ABCB1: variants seen among roughly 807,000 people sequenced by gnomAD.
ABCB1 encodes ATP binding cassette subfamily B member 1.
ABCB1 carries 69 observed loss-of-function variants against 142.0 expected under a neutral mutation model. The ratio of observed to expected loss-of-function variants is 0.49; its 90% CI spans 0.40 to 0.59. ABCB1 has a LOEUF of 0.59. ABCB1 is among the 20% of genes least tolerant of loss of function. The pLI, the probability that ABCB1 is intolerant of heterozygous loss-of-function variation, is 0.00. For synonymous variants in ABCB1, 532 were observed against 539.2 expected (o/e 0.99, Z 0.18); for missense variants, 1,326 against 1,554.7 (o/e 0.85, Z 2.47).
chr7:87,548,406 G>A (rs558742650), intron 14 of ABCB1, among the ~76,000 whole-genome samples: 1 of 152,084 alleles, frequency 6.6e-6, no homozygotes, highest in African/African-American at 2.4e-5. Flanking sequence ...AAAACACAGA[G>A]ATGAAATCAC....
Position 87,519,351 on chromosome 7 carries a change from GT to G in ABCB1, c.2901del (p.Lys967AsnfsTer3). 6.2e-7 allele frequency: 1 copy of G among 1,614,102 alleles called. No homozygotes were observed. Among genetic ancestry groups the G allele is most frequent in the South Asian group, 1.1e-5 (1 of 91,080 alleles). On this transcript the variant is annotated frameshift_variant, in exon 23 of 28. Coordinates refer to ENST00000622132, the MANE Select transcript of ABCB1 (RefSeq NM_001348946.2). LOFTEE classifies it high-confidence loss of function. ...FRFGAYLVAH[K>X]LMSFEDVLLV... ...AACAGAACATCCTCAAAGCTCATGA[GT>G]TTATGTGCCACCAAGTAGGCTCCAA...
At chr7:87,542,797 G>A (rs1425784259) in intron 17 of ABCB1, among the ~76,000 whole-genome samples, 2 of 152,056 alleles carry the variant, frequency 1.3e-5, no homozygotes, top group African/African-American at 2.4e-5. Flanking sequence ...GAACACAGTC[G>A]TGTTCATTCA....
chr7:87,629,027 C>G, intron 1 of ABCB1: 3 of 1,222,244 alleles, frequency 2.5e-6, no homozygotes, highest in South Asian at 4.0e-5. Context: ...TTGGGGGTCC[C>G]GGGCATGATG....
chr7:87,559,164 TGTG>T (rs1817441481), intron 8 of ABCB1, among the ~76,000 whole-genome samples: 1 of 152,114 alleles, frequency 6.6e-6, no homozygotes, highest in Admixed American at 6.6e-5. Context: ...TTCTTGAAGT[TGTG>T]GTAGAACTTG....
At chr7:87,626,747 T>C (rs1371643669) in intron 1 of ABCB1, among the ~76,000 whole-genome samples, 2 of 34,598 alleles carry the variant, frequency 5.8e-5, no homozygotes, top group Non-Finnish European at 6.6e-5. Context: ...GTGTCATATA[T>C]ATGTCATATA....
chr7:87,708,727 G>A (rs2130733504), intron 1 of ABCB1, among the ~76,000 whole-genome samples: 1 of 152,074 alleles, frequency 6.6e-6, no homozygotes, highest in East Asian at 1.9e-4. Flanking sequence ...ACATAATTAG[G>A]CTGGTCAGTT....
chr7:87,621,933 A>G (rs1171642596), intron 1 of ABCB1, among the ~76,000 whole-genome samples: 1 of 152,156 alleles, frequency 6.6e-6, no homozygotes, highest in African/African-American at 2.4e-5. Flanking sequence ...CATTTAATAA[A>G]TAGAATTGGG....
chr7:87,606,649 A>G (rs1386405594), intron 1 of ABCB1, among the ~76,000 whole-genome samples: 6 of 152,134 alleles, frequency 3.9e-5, no homozygotes, highest in African/African-American at 1.4e-4. Flanking sequence ...AAGGCAGGGG[A>G]AAATTATAAT....
chr7:87,665,809 G>A (rs1037521877), intron 1 of ABCB1, among the ~76,000 whole-genome samples: 6 of 151,950 alleles, frequency 3.9e-5, no homozygotes, highest in African/African-American at 1.2e-4. Flanking sequence ...TTCTGTTCCC[G>A]CATTATTTCA....
intron 1 of ABCB1, among the ~76,000 whole-genome samples, chr7:87,666,041 CTT>C (rs1466370274): frequency 6.6e-6 from 1 of 152,034 alleles, no homozygotes; most frequent in African/African-American, 2.4e-5. Flanking sequence ...TCTTTTAGCT[CTT>C]TGAGGAATTG....
intron 21 of ABCB1, among the ~76,000 whole-genome samples, chr7:87,528,804 G>A (rs534260415): frequency 5.3e-5 from 8 of 152,300 alleles, no homozygotes; most frequent in African/African-American, 1.9e-4. Flanking sequence ...CAGGTGTCAG[G>A]AATGGCCTCT....
At chr7:87,600,726 T>C (rs1819419866) in intron 1 of ABCB1, 29 bp downstream of exon 1, 1 of 155,052 alleles carries the variant, frequency 6.4e-6, no homozygotes, top group Admixed American at 6.3e-5. Context: ...AACTGTCCCA[T>C]AGTAGCTCCC....
chr7:87,672,869 A>G (rs111741511), intron 1 of ABCB1, among the ~76,000 whole-genome samples: 4,731 of 152,032 alleles, frequency 0.031, 73 homozygotes, highest in Middle Eastern at 0.048. Flanking sequence ...TTCATTCTCC[A>G]TGGGTCAAGT....
chr7:87,650,672 G>A, intron 1 of ABCB1: 1 of 604,112 alleles, frequency 1.7e-6, no homozygotes. Flanking sequence ...TCCATTTACA[G>A]AGTAAATTTG....
At chr7:87,573,825 C>A (rs1034110376) in intron 4 of ABCB1, among the ~76,000 whole-genome samples, 1 of 152,104 alleles carries the variant, frequency 6.6e-6, no homozygotes, top group Admixed American at 6.5e-5. Flanking sequence ...TCACTGTCTT[C>A]AGAGAGAGCT....
At chr7:87,506,589 G>GAAATGAAATGAAATGA (rs2117060408) in intron 26 of ABCB1, among the ~76,000 whole-genome samples, 1 of 152,220 alleles carries the variant, frequency 6.6e-6, no homozygotes, top group Non-Finnish European at 1.5e-5. Flanking sequence ...CTTTGAAAAT[G>GAAATGAAATGAAATGA]AACATCTCCT....
chr7:87,588,928 T>C (rs1050821518), intron 3 of ABCB1, among the ~76,000 whole-genome samples: 4 of 152,252 alleles, frequency 2.6e-5, no homozygotes, highest in Non-Finnish European at 5.9e-5. Flanking sequence ...TTTTATATAA[T>C]TGTTGGCCAC....
intron 13 of ABCB1, 131 bp downstream of exon 13, chr7:87,549,720 T>C: frequency 7.4e-7 from 1 of 1,352,248 alleles, no homozygotes. Flanking sequence ...CTTTCAAATC[T>C]GAAGTAATCT....
At chr7:87,703,428 G>A (rs1829266664) in intron 1 of ABCB1, among the ~76,000 whole-genome samples, 1 of 152,106 alleles carries the variant, frequency 6.6e-6, no homozygotes, top group Non-Finnish European at 1.5e-5. Flanking sequence ...TAATATGAAA[G>A]TACACTTTTG....
Sources: gnomAD v4.1 joint callset for allele counts (sites outside exome capture counted in the v4.1 genomes callset) on GRCh38, gnomAD v4.1.1 for gene constraint, MANE v1.5 for transcripts, NCBI Gene and HGNC (gene_info 2026-07-23, HGNC 2026-07-21) for gene names.